The following CSMD1 variants were observed in gnomAD, a reference collection of about 807,000 sequenced individuals.
CSMD1 encodes the protein CUB and sushi domain-containing protein 1.
In CSMD1, 213 loss-of-function variants were observed where a neutral mutation model predicts 417.5. The ratio of observed to expected loss-of-function variants is 0.51; its 90% CI spans 0.46 to 0.57. The LOEUF (loss-of-function observed/expected upper bound fraction) is 0.57, where lower values mean the gene tolerates loss of function less well. CSMD1 is among the 20% of genes least tolerant of loss of function. The probability of loss-of-function intolerance (pLI) is 0.00; values close to 1 mark genes in which losing one functional copy is unlikely to be tolerated. For missense variants in CSMD1, 6,923 were observed against 4,529.7 expected (o/e 1.53, Z -15.17); for synonymous variants, 2,862 against 1,736.8 (o/e 1.65, Z -16.11).
intron 2 of CSMD1, among the ~76,000 whole-genome samples, chr8:4,568,480 A>G (rs1563294521): frequency 6.6e-6 from 1 of 152,114 alleles, no homozygotes; most frequent in Admixed American, 6.5e-5. Flanking sequence ...ATAGTATTCC[A>G]TGGTGTATAT....
At chr8:4,230,971 T>A (rs1299255829) in intron 3 of CSMD1, among the ~76,000 whole-genome samples, 1 of 152,172 alleles carries the variant, frequency 6.6e-6, no homozygotes, top group African/African-American at 2.4e-5. Context: ...ATTATTTCAT[T>A]TGCAACATCA....
intron 2 of CSMD1, among the ~76,000 whole-genome samples, chr8:4,532,884 T>C (rs112471020): frequency 0.059 from 8,899 of 150,150 alleles, 468 homozygotes; most frequent in Admixed American, 0.15. Flanking sequence ...GGAAGAGAAA[T>C]CCTGCACCCC....
At chr8:3,623,843 GGT>G (rs1796370832) in intron 7 of CSMD1, among the ~76,000 whole-genome samples, 1 of 152,034 alleles carries the variant, frequency 6.6e-6, no homozygotes, top group Non-Finnish European at 1.5e-5. Flanking sequence ...TGGGCGTGCT[GGT>G]GTGCATCTGT....
At chr8:3,661,313 C>G (rs772510400) in intron 7 of CSMD1, among the ~76,000 whole-genome samples, 1 of 152,158 alleles carries the variant, frequency 6.6e-6, no homozygotes, top group Non-Finnish European at 1.5e-5. Context: ...TGTGCTCAAA[C>G]AAGGCAAATG....
At chr8:4,978,393 C>T (rs1810688582) in intron 1 of CSMD1, among the ~76,000 whole-genome samples, 1 of 152,004 alleles carries the variant, frequency 6.6e-6, no homozygotes, top group African/African-American at 2.4e-5. Flanking sequence ...ATTATTAAGC[C>T]CTCTATGTTT....
At chr8:3,520,266 CA>C (rs2117445779) in intron 10 of CSMD1, among the ~76,000 whole-genome samples, 1 of 152,014 alleles carries the variant, frequency 6.6e-6, no homozygotes, top group South Asian at 2.1e-4. Flanking sequence ...AGCACCATAC[CA>C]AACTTGAAGT....
At chr8:4,154,710 G>C (rs1016087176) in intron 3 of CSMD1, among the ~76,000 whole-genome samples, 4 of 152,182 alleles carry the variant, frequency 2.6e-5, no homozygotes, top group Non-Finnish European at 4.4e-5. Context: ...AGGAAAAAGA[G>C]ATCATGTTTG....
chr8:4,311,796 A>G (rs1440132085), intron 3 of CSMD1, among the ~76,000 whole-genome samples: 1 of 151,806 alleles, frequency 6.6e-6, no homozygotes, highest in Admixed American at 6.6e-5. Flanking sequence ...GGAACAACAC[A>G]CACTAGGGCC....
At chr8:4,214,626 C>G (rs753986292) in intron 3 of CSMD1, among the ~76,000 whole-genome samples, 8 of 152,038 alleles carry the variant, frequency 5.3e-5, no homozygotes, top group African/African-American at 1.9e-4. Context: ...AACAGAAACA[C>G]TGAGTATGTA....
chr8:4,257,778 T>A (rs1054444787), intron 3 of CSMD1, among the ~76,000 whole-genome samples: 4 of 152,186 alleles, frequency 2.6e-5, no homozygotes, highest in South Asian at 2.1e-4. Context: ...AGCATCCGCC[T>A]CGTAGGAATG....
Position 3,409,455 on chromosome 8 carries a change from T to G in CSMD1, c.1712A>C (p.Asn571Thr). The G allele has an allele frequency of 1.2e-6, 2 of 1,611,560 alleles. No individual in the cohort carries two copies. The highest frequency in any genetic ancestry group is 1.7e-6 in the Non-Finnish European group (2 of 1,178,944). The change falls in exon 13 of 70, where the codon AAT becomes ACT. Residue 571 changes from asparagine (N) to threonine (T), a missense_variant. Asn to Thr is a moderately conservative substitution (Grantham distance 65). Coordinates refer to ENST00000635120, the MANE Select transcript of CSMD1 (RefSeq NM_033225.6). ...GERVITCQQN[N>T]QWSGNKPSCV... ...GCTGGGCTTGTTGCCAGACCACTGATTGTTCTGCTGACAGGTGATAACTCT... is the reference window on the plus strand; with the variant it reads ...GCTGGGCTTGTTGCCAGACCACTGAGTGTTCTGCTGACAGGTGATAACTCT...
rs529512684 is a variant in CSMD1, at chr8:4,935,864, G to C, written c.85+58468C>G. 3.9e-5 allele frequency among the ~76,000 whole-genome samples: 6 copies of C among 152,322 alleles called. No individual in the cohort carries two copies. In the South Asian group the frequency reaches 8.3e-4, roughly 21 times the overall value. ...AGCAGATTCAAACGTCTTCACATGA[G>C]AAGCAGAACTCATGCAATTTCTGGG... On this transcript the variant is annotated intron_variant, in intron 1 of 69. Coordinates refer to ENST00000635120, the MANE Select transcript of CSMD1 (RefSeq NM_033225.6).
chr8:3,679,813 A>T (rs1446705758), intron 7 of CSMD1, among the ~76,000 whole-genome samples: 1 of 152,226 alleles, frequency 6.6e-6, no homozygotes, highest in Non-Finnish European at 1.5e-5. Flanking sequence ...AATGTAAAAG[A>T]AGCGAAATTA....
intron 3 of CSMD1, among the ~76,000 whole-genome samples, chr8:4,108,213 T>G (rs929252952): frequency 1.3e-5 from 2 of 152,170 alleles, no homozygotes; most frequent in African/African-American, 4.8e-5. Context: ...CAAGCTTATG[T>G]GAAGTCCTTC....
intron 5 of CSMD1, among the ~76,000 whole-genome samples, chr8:3,818,352 C>T (rs529954971): frequency 5.3e-5 from 8 of 152,292 alleles, no homozygotes; most frequent in African/African-American, 1.2e-4. Context: ...GAGAGCTAAA[C>T]CCCTTCCTAA....
At position 3,450,507 on chromosome 8, in the gene CSMD1, T is replaced by C. The variant is rs535198113; in HGVS notation, c.1561+18205A>G. Among the ~76,000 whole-genome samples, 7 of 149,852 alleles carry C rather than the reference T, an allele frequency of 4.7e-5. No individual in the cohort carries two copies. The East Asian group carries it at 1.4e-3, about 30-fold the overall frequency. ...CCCTGGTGTGTGATGTTCCCCTTCC[T>C]GTGTCCATGTGTTCTCATTGTTCAA... is the stretch of plus-strand genomic sequence containing the variant. On this transcript the variant is annotated intron_variant, in intron 12 of 69. Transcript: ENST00000635120.
In CSMD1 at chr8:4,081,916, T is replaced by C. The variant is rs147075369; in HGVS notation, c.416-49817A>G. Among the ~76,000 whole-genome samples the C allele has an allele frequency of 7.5e-3, 1,149 of 152,286 alleles. 9 individuals are homozygous for C. The highest frequency in any genetic ancestry group is 0.026 in the African/African-American group (1,078 of 41,574). ...TTACAGTAGTGCTCATGGGGGAGTG[T>C]GTAGCTTAAATACTTATATTACACT... On this transcript the variant is annotated intron_variant, in intron 3 of 69. Coordinates refer to ENST00000635120, the MANE Select transcript of CSMD1 (RefSeq NM_033225.6).
At chr8:4,915,748 G>C (rs1268253884) in intron 1 of CSMD1, among the ~76,000 whole-genome samples, 1 of 152,228 alleles carries the variant, frequency 6.6e-6, no homozygotes, top group Non-Finnish European at 1.5e-5. Flanking sequence ...CATCCATTTG[G>C]ATTTTCCTGG....
chr8:3,849,299 C>A (rs1025726955), intron 5 of CSMD1, among the ~76,000 whole-genome samples: 2 of 151,996 alleles, frequency 1.3e-5, no homozygotes. Flanking sequence ...AGATACAGGG[C>A]GGACTGGGAA....
Sources: gnomAD v4.1 joint callset for allele counts (sites outside exome capture counted in the v4.1 genomes callset) on GRCh38, gnomAD v4.1.1 for gene constraint, MANE v1.5 for transcripts, NCBI Gene and HGNC (gene_info 2026-07-23, HGNC 2026-07-21) for gene names.